The following CYRIB variants were observed in gnomAD, a reference collection of about 807,000 sequenced individuals.
CYRIB encodes the protein CYFIP-related Rac1 interactor B.
Under a neutral mutation model 44.2 loss-of-function variants are expected in CYRIB, and 8 were observed. That is an observed-to-expected ratio of 0.18 (90% CI 0.11 to 0.33). The LOEUF is 0.33. Ranked by LOEUF, CYRIB falls within the 10% of genes least tolerant of loss-of-function variation. The pLI is 1.00. For synonymous variants in CYRIB, 131 were observed against 127.2 expected, an observed-to-expected ratio of 1.03 and a Z score of -0.20; for missense variants, 185 against 382.8, an observed-to-expected ratio of 0.48 and a Z score of 4.31.
intron 4 of CYRIB, among the ~76,000 whole-genome samples, chr8:129,870,259 T>G (rs2133171130): frequency 6.6e-6 from 1 of 151,988 alleles, no homozygotes; most frequent in Admixed American, 6.5e-5. Flanking sequence ...CTGCCTCTAT[T>G]TGGCAGGGGA....
chr8:129,891,409 C>CA (rs77124620), intron 2 of CYRIB, among the ~76,000 whole-genome samples: 34,456 of 152,136 alleles, frequency 0.23, 4,977 homozygotes, highest in East Asian at 0.52. Flanking sequence ...CTATCTAACT[C>CA]ACTGCTATCA....
intron 2 of CYRIB, among the ~76,000 whole-genome samples, chr8:129,961,084 A>G (rs2095236932): frequency 6.6e-6 from 1 of 152,140 alleles, no homozygotes; most frequent in South Asian, 2.1e-4. Flanking sequence ...AGCCCATATG[A>G]TTTTGGAGCC....
chr8:129,843,807 T>A (rs1009778000), intron 11 of CYRIB: 2 of 152,248 alleles, frequency 1.3e-5, no homozygotes, highest in African/African-American at 4.8e-5. Flanking sequence ...AACCGAAGAA[T>A]GCTTATTAAG....
intron 3 of CYRIB, among the ~76,000 whole-genome samples, 163 bp downstream of exon 5, chr8:129,879,226 T>C (rs890826937): frequency 3.9e-5 from 6 of 152,172 alleles, no homozygotes; most frequent in African/African-American, 1.2e-4. Flanking sequence ...ATCTATAAAA[T>C]AGGACTTCCA....
At chr8:129,911,286 TAAG>T (rs2077868149) in intron 1 of CYRIB, among the ~76,000 whole-genome samples, 1 of 152,158 alleles carries the variant, frequency 6.6e-6, no homozygotes, top group African/African-American at 2.4e-5. Flanking sequence ...TTTAAAAGGT[TAAG>T]TAGTTTGTCC....
At chr8:129,969,700 T>C (rs1293483704) in intron 2 of CYRIB, among the ~76,000 whole-genome samples, 3 of 152,248 alleles carry the variant, frequency 2.0e-5, no homozygotes, top group Non-Finnish European at 2.9e-5. Context: ...TTGGGCACCA[T>C]ATGTAATAAC....
At chr8:129,970,892 G>T (rs1174000735) in intron 2 of CYRIB, 51 bp downstream of exon 2, 1 of 152,208 alleles carries the variant, frequency 6.6e-6, no homozygotes, top group Non-Finnish European at 1.5e-5. Flanking sequence ...GGTTAAGAGT[G>T]CTGGCTCTGG....
intron 8 of CYRIB, chr8:129,851,433 A>T (rs2624814): frequency 0.98 from 151,228 of 154,524 alleles, 74,021 homozygotes; most frequent in Middle Eastern, 1. Context: ...AGTTTTCAGA[A>T]TCATGATATA....
chr8:129,958,647 A>C (rs1290584734), intron 2 of CYRIB, among the ~76,000 whole-genome samples: 1 of 152,044 alleles, frequency 6.6e-6, no homozygotes, highest in Non-Finnish European at 1.5e-5. Context: ...TGATGCAATC[A>C]TCTCTTTGGA....
intron 1 of CYRIB, among the ~76,000 whole-genome samples, chr8:129,907,089 C>T (rs1444831364): frequency 1.3e-5 from 2 of 152,172 alleles, no homozygotes; most frequent in Non-Finnish European, 2.9e-5. Context: ...ACCCAGCCAT[C>T]CCATTACTGG....
intron 2 of CYRIB, among the ~76,000 whole-genome samples, chr8:129,889,170 C>A (rs948683040): frequency 2.6e-5 from 4 of 152,144 alleles, no homozygotes; most frequent in African/African-American, 7.2e-5. Flanking sequence ...AATGGTACAA[C>A]AAAGCCTAGA....
chr8:129,928,654 T>C (rs146132710), intron 1 of CYRIB, among the ~76,000 whole-genome samples: 1,767 of 150,930 alleles, frequency 0.012, 28 homozygotes, highest in African/African-American at 0.04. Flanking sequence ...AGTAAAATCC[T>C]TTCTTTAAAA....
At chr8:129,839,915 A>G (rs1345353214) in exon 12 of CYRIB, 1 of 152,102 alleles carries the variant, frequency 6.6e-6, no homozygotes, top group Non-Finnish European at 1.5e-5. Flanking sequence ...CGAAGCATTC[A>G]CTTGGCACCT....
exon 12 of CYRIB, chr8:129,842,153 T>G: frequency 6.2e-7 from 1 of 1,612,434 alleles, no homozygotes. Context: ...TATTGCAGCA[T>G]GGATTTAATT....
At chr8:129,950,306 AC>A (rs2094438347) in intron 2 of CYRIB, among the ~76,000 whole-genome samples, 1 of 152,216 alleles carries the variant, frequency 6.6e-6, no homozygotes, top group African/African-American at 2.4e-5. Flanking sequence ...ACTGTGGCTC[AC>A]GCCTGTAATC....
chr8:129,964,177 G>C (rs2095384531), intron 2 of CYRIB, among the ~76,000 whole-genome samples: 1 of 152,230 alleles, frequency 6.6e-6, no homozygotes, highest in South Asian at 2.1e-4. Context: ...TAAGTGAACA[G>C]AAGCTGGTGT....
rs564779151 is a variant in CYRIB, at chr8:129,959,363, G to A, written c.-243+11580C>T. 3.8e-4 allele frequency among the ~76,000 whole-genome samples: 58 copies of A among 152,096 alleles called. No homozygotes were observed. The South Asian group carries it at 7.5e-3, about 20-fold the overall frequency. On this transcript the variant is annotated intron_variant, in intron 2 of 14. Coordinates refer to the CYRIB transcript ENST00000401979. ...GAACTTGTTTCCTCATCTGCAAACTGGAAATATTTATTTATTTGACAAGGA... is the reference window on the plus strand; with the variant it reads ...GAACTTGTTTCCTCATCTGCAAACTAGAAATATTTATTTATTTGACAAGGA...
At chr8:129,927,051 G>A (rs1228795235) in intron 1 of CYRIB, among the ~76,000 whole-genome samples, 1 of 152,148 alleles carries the variant, frequency 6.6e-6, no homozygotes, top group African/African-American at 2.4e-5. Context: ...GGGAGGCCGA[G>A]GTGGGCAGAT....
At chr8:129,979,556 G>A (rs1000351991) in intron 1 of CYRIB, among the ~76,000 whole-genome samples, 1 of 152,114 alleles carries the variant, frequency 6.6e-6, no homozygotes, top group African/African-American at 2.4e-5. Flanking sequence ...CAAGATCTGG[G>A]GAGATATTGC....
Sources: allele counts gnomAD v4.1 joint callset (sites outside exome capture counted in the v4.1 genomes callset), GRCh38; gene constraint gnomAD v4.1.1; transcripts MANE v1.5; gene names NCBI Gene and HGNC (gene_info 2026-07-23, HGNC 2026-07-21).